Variants in DNAAF11 observed in about 807,000 individuals in gnomAD.
DNAAF11 encodes dynein axonemal assembly factor 11, also known as leucine rich repeat containing 6.
In DNAAF11, 45 loss-of-function variants were observed where a neutral mutation model predicts 60.8. The observed-to-expected ratio is 0.74, with a 90% confidence interval of 0.58 to 0.95. The LOEUF is 0.95. DNAAF11 is among the 40% of genes least tolerant of loss of function. The pLI is 0.00. For missense variants in DNAAF11, 546 were observed against 546.2 expected (o/e 1.00, Z 0.00); for synonymous variants, 191 against 183.5 (o/e 1.04, Z -0.33).
At chr8:132,584,400 G>A (rs903654081) in intron 10 of DNAAF11, among the ~76,000 whole-genome samples, 1 of 152,056 alleles carries the variant, frequency 6.6e-6, no homozygotes, top group African/African-American at 2.4e-5. Flanking sequence ...TCCTCTCAAG[G>A]AACTCCTAAG....
At chr8:132,619,521 A>T (rs1819547984) in intron 7 of DNAAF11, among the ~76,000 whole-genome samples, 1 of 152,232 alleles carries the variant, frequency 6.6e-6, no homozygotes, top group South Asian at 2.1e-4. Flanking sequence ...AGTAAGACAA[A>T]GACTAAGAAT....
At chr8:132,619,328 TG>T (rs1819525720) in intron 7 of DNAAF11, among the ~76,000 whole-genome samples, 1 of 152,062 alleles carries the variant, frequency 6.6e-6, no homozygotes, top group Admixed American at 6.5e-5. Context: ...GGGATAGCAC[TG>T]GGAGATATAC....
At chr8:132,643,174 C>T (rs1453734220) in intron 3 of DNAAF11, among the ~76,000 whole-genome samples, 1 of 152,184 alleles carries the variant, frequency 6.6e-6, no homozygotes, top group Non-Finnish European at 1.5e-5. Flanking sequence ...TCCTAACAGG[C>T]CAGAGGTATC....
Position 132,653,632 on chromosome 8 carries a change from G to A in DNAAF11, c.256+3198C>T, listed in dbSNP as rs1823244718. On this transcript the variant is annotated intron_variant, in intron 3 of 11. Coordinates refer to ENST00000620350, the MANE Select transcript of DNAAF11 (RefSeq NM_012472.6). ...GATATGTGACAATAACAGCATAAAC[G>A]AAGGGAGGAAAACTAAACTATACAG... Among the ~76,000 whole-genome samples, 9 of 152,048 alleles carry A rather than the reference G, an allele frequency of 5.9e-5. No individual in the cohort carries two copies. In the South Asian group the frequency reaches 1.7e-3, roughly 28 times the overall value.
chr8:132,646,452 C>G (rs975156957), intron 3 of DNAAF11, among the ~76,000 whole-genome samples: 66 of 152,308 alleles, frequency 4.3e-4, no homozygotes, highest in Admixed American at 9.2e-4. Flanking sequence ...AACCAGCTAA[C>G]ATCATAATGA....
Position 132,661,547 on chromosome 8 carries a change from G to C in DNAAF11, c.91C>G (p.Gln31Glu). ...ATGTGTTCTAGTCTTTCTATTTCTT[G>C]CTGATGCAACGAGAGTTCCTCCAGG... ...FSLEELSLHQ[Q>E]EIERLEHIDK... Residue 31 changes from glutamine to glutamate, a missense_variant, in exon 2 of 12, where the codon CAA (glutamine) becomes GAA (glutamate). By Grantham distance (29) the Gln-to-Glu change is conservative. Coordinates refer to ENST00000620350, the MANE Select transcript of DNAAF11 (RefSeq NM_012472.6). The C allele has an allele frequency of 6.2e-7, 1 of 1,613,668 alleles. No individual in the cohort carries two copies. The highest frequency in any genetic ancestry group is 1.3e-5 in the African/African-American group (1 of 75,036).
intron 10 of DNAAF11, among the ~76,000 whole-genome samples, chr8:132,586,094 T>C (rs1044523992): frequency 4.3e-4 from 66 of 152,310 alleles, no homozygotes; most frequent in African/African-American, 1.5e-3. Flanking sequence ...TTTAATGTTT[T>C]ATGGAGACTA....
At chr8:132,603,921 G>A (rs146661664) in intron 10 of DNAAF11, among the ~76,000 whole-genome samples, 2 of 152,064 alleles carry the variant, frequency 1.3e-5, no homozygotes, top group Admixed American at 6.6e-5. Context: ...CATCTAGAGG[G>A]ATTGCATACA....
chr8:132,683,299 G>A, the DNAAF11 span, among the ~76,000 whole-genome samples: 1 of 152,172 alleles, frequency 6.6e-6, no homozygotes, highest in Non-Finnish European at 1.5e-5. Context: ...TTTGTTTGAT[G>A]TTGAAGGTGG....
At chr8:132,600,682 C>T (rs1160271399) in intron 10 of DNAAF11, among the ~76,000 whole-genome samples, 1 of 152,122 alleles carries the variant, frequency 6.6e-6, no homozygotes, top group Admixed American at 6.5e-5. Flanking sequence ...GAAAGGATTC[C>T]CTATTTAATA....
chr8:132,687,959 T>G, the DNAAF11 span, among the ~76,000 whole-genome samples: 3 of 152,202 alleles, frequency 2.0e-5, no homozygotes, highest in Admixed American at 2.0e-4. Flanking sequence ...GATACTAAGT[T>G]ACTTCATGTA....
the DNAAF11 span, among the ~76,000 whole-genome samples, chr8:132,682,345 C>A: frequency 6.6e-6 from 1 of 152,200 alleles, no homozygotes; most frequent in Non-Finnish European, 1.5e-5. Context: ...AGCCTTTCAG[C>A]CCTTCCTGCC....
At chr8:132,638,951 G>C (rs1821583372) in intron 3 of DNAAF11, among the ~76,000 whole-genome samples, 1 of 152,206 alleles carries the variant, frequency 6.6e-6, no homozygotes, top group African/African-American at 2.4e-5. Flanking sequence ...ATGTGACCTT[G>C]GGTAAGTTAC....
intron 7 of DNAAF11, among the ~76,000 whole-genome samples, chr8:132,620,463 T>G (rs73355176): frequency 6.6e-6 from 1 of 151,966 alleles, no homozygotes; most frequent in African/African-American, 2.4e-5. Flanking sequence ...GCCTTCCGAG[T>G]GGCTGGGATT....
chr8:132,608,638 A>T, intron 10 of DNAAF11: 1 of 289,434 alleles, frequency 3.5e-6, no homozygotes, highest in Admixed American at 3.8e-5. Flanking sequence ...TTCCAGTTAG[A>T]AGTTTCACAC....
rs1268189165 is a variant in DNAAF11 at position 132,632,753 on chromosome 8, T to A, written c.640A>T (p.Ile214Phe). 3 of 1,610,220 alleles carry A rather than the reference T, an allele frequency of 1.9e-6. No homozygotes were observed. The Admixed American group carries it at 5.0e-5, about 27-fold the overall frequency. Reference sequence around the variant, plus strand: ...TAATTTACATACAGAGTAGCATTGATGTCTGTGTACCAACGTCCATCAAAG... The same window carrying A: ...TAATTTACATACAGAGTAGCATTGAAGTCTGTGTACCAACGTCCATCAAAG... ...AGFDGRWYTD[I>F]NATLSSLESK... is the part of the protein sequence containing the mutation. The change falls in exon 5 of 12, where the codon ATC (isoleucine) becomes TTC (phenylalanine). Residue 214 changes from isoleucine to phenylalanine, a missense_variant. Physicochemically the swap from Ile to Phe is conservative, Grantham distance 21. Transcript: ENST00000620350.
At chr8:132,584,389 C>A (rs189994448) in intron 10 of DNAAF11, among the ~76,000 whole-genome samples, 176 of 152,300 alleles carry the variant, frequency 1.2e-3, no homozygotes, top group Admixed American at 2.7e-3. Context: ...GACCCAGTAC[C>A]TCCTCTCAAG....
intron 10 of DNAAF11, among the ~76,000 whole-genome samples, chr8:132,595,990 C>G (rs1320381838): frequency 6.6e-6 from 1 of 152,088 alleles, no homozygotes; most frequent in Non-Finnish European, 1.5e-5. Context: ...AAGCATGCCT[C>G]CTAATCATTG....
the DNAAF11 span, among the ~76,000 whole-genome samples, chr8:132,697,503 C>T: frequency 2.6e-5 from 4 of 151,632 alleles, no homozygotes; most frequent in South Asian, 2.1e-4. Flanking sequence ...CTGTAATCCC[C>T]GCTGCTTGGG....
Sources: allele counts gnomAD v4.1 joint callset (sites outside exome capture counted in the v4.1 genomes callset), GRCh38; gene constraint gnomAD v4.1.1; transcripts MANE v1.5; gene names NCBI Gene and HGNC (gene_info 2026-07-23, HGNC 2026-07-21).